Variants in DLG2 observed in about 807,000 individuals in gnomAD.
DLG2 encodes discs large MAGUK scaffold protein 2.
DLG2 carries 45 observed loss-of-function variants against 132.5 expected under a neutral mutation model. That is an observed-to-expected ratio of 0.34 (90% CI 0.27 to 0.44). The LOEUF (loss-of-function observed/expected upper bound fraction) is 0.44. DLG2 is among the 20% of genes least tolerant of loss of function. The pLI is 1.00. For synonymous variants in DLG2, 424 were observed against 419.6 expected, an observed-to-expected ratio of 1.01 and a Z score of -0.13; for missense variants, 1,045 against 1,196.9, an observed-to-expected ratio of 0.87 and a Z score of 1.87.
At position 83,957,396 on chromosome 11, in the gene DLG2, T is replaced by C. The variant is rs57687854; in HGVS notation, c.1340+5489A>G. 4.5e-3 allele frequency among the ~76,000 whole-genome samples: 679 copies of C among 152,322 alleles called. 5 individuals carry two copies. Among genetic ancestry groups the C allele is most frequent in the African/African-American group, 0.015 (607 of 41,568 alleles). On this transcript the variant is annotated intron_variant, in intron 14 of 27. Transcript: ENST00000376104. ...CAGTCTGACTAAGCCAGGTCTGCTC[T>C]TCACGTGGAACATGGGCTATTAAAC...
chr11:84,891,163 G>A (rs543597344), intron 6 of DLG2, among the ~76,000 whole-genome samples: 2 of 152,192 alleles, frequency 1.3e-5, no homozygotes, highest in East Asian at 3.9e-4. Context: ...ATACACACCA[G>A]CATTTCTCTA....
At chr11:84,735,839 GT>G (rs1268185130) in intron 6 of DLG2, among the ~76,000 whole-genome samples, 1 of 151,910 alleles carries the variant, frequency 6.6e-6, no homozygotes, top group African/African-American at 2.4e-5. Context: ...GTTGCATATA[GT>G]TTTTCACAGT....
intron 3 of DLG2, among the ~76,000 whole-genome samples, chr11:85,498,771 G>C (rs933944888): frequency 6.6e-6 from 1 of 152,128 alleles, no homozygotes; most frequent in Non-Finnish European, 1.5e-5. Context: ...TCAGGATTAA[G>C]TTCTAATTAA....
chr11:84,132,369 T>C (rs2094452033), intron 9 of DLG2, among the ~76,000 whole-genome samples: 1 of 152,016 alleles, frequency 6.6e-6, no homozygotes, highest in South Asian at 2.1e-4. Context: ...GGGGTGGTAA[T>C]GTGCAGATGC....
intron 16 of DLG2, among the ~76,000 whole-genome samples, chr11:83,868,607 G>T (rs947283092): frequency 1.3e-5 from 2 of 151,610 alleles, no homozygotes; most frequent in African/African-American, 4.9e-5. Flanking sequence ...TCTAAAAATA[G>T]ACAAAAATCC....
At chr11:84,261,694 C>G (rs1482129615) in intron 7 of DLG2, among the ~76,000 whole-genome samples, 1 of 152,160 alleles carries the variant, frequency 6.6e-6, no homozygotes, top group Non-Finnish European at 1.5e-5. Flanking sequence ...GTCCTCCTCT[C>G]TATTTCTTCA....
At chr11:85,177,660 A>G (rs1457884878) in intron 4 of DLG2, among the ~76,000 whole-genome samples, 1 of 152,016 alleles carries the variant, frequency 6.6e-6, no homozygotes, top group Non-Finnish European at 1.5e-5. Context: ...TCCTACATAT[A>G]TACCCCAGAA....
chr11:84,201,812 T>TC, intron 8 of DLG2, among the ~76,000 whole-genome samples: 1 of 11,688 alleles, frequency 8.6e-5, no homozygotes, highest in African/African-American at 2.3e-4. Context: ...TATTTTCTTT[T>TC]TTTTTTTTTT....
At chr11:83,980,683 G>T in intron 11 of DLG2, 41 bp from the exon 12 acceptor site, 6 of 1,458,444 alleles carry the variant, frequency 4.1e-6, no homozygotes, top group Non-Finnish European at 4.5e-6. Context: ...TTGTTTTGTT[G>T]TTGTAGTTGT....
chr11:85,497,768 CA>C (rs1386712593), intron 3 of DLG2, among the ~76,000 whole-genome samples: 1 of 152,154 alleles, frequency 6.6e-6, no homozygotes, highest in African/African-American at 2.4e-5. Flanking sequence ...GACAGGGAGT[CA>C]ATATTCAACA....
At chr11:83,676,607 C>T (rs1179781667) in intron 18 of DLG2, among the ~76,000 whole-genome samples, 1 of 152,168 alleles carries the variant, frequency 6.6e-6, no homozygotes, top group East Asian at 1.9e-4. Context: ...TATATCTTCC[C>T]AACCGCCTGT....
At chr11:84,682,553 T>C (rs2099734161) in intron 6 of DLG2, among the ~76,000 whole-genome samples, 1 of 152,136 alleles carries the variant, frequency 6.6e-6, no homozygotes, top group African/African-American at 2.4e-5. Flanking sequence ...GTACTAACAA[T>C]CAGATGTGGT....
intron 18 of DLG2, among the ~76,000 whole-genome samples, chr11:83,642,680 C>A (rs1480271480): frequency 6.6e-6 from 1 of 152,090 alleles, no homozygotes; most frequent in African/African-American, 2.4e-5. Flanking sequence ...GGAGTCAACA[C>A]AGAAACTTCC....
intron 9 of DLG2, among the ~76,000 whole-genome samples, chr11:84,148,189 T>A (rs944114008): frequency 6.6e-6 from 1 of 152,160 alleles, no homozygotes; most frequent in Non-Finnish European, 1.5e-5. Context: ...ATATTTCTGA[T>A]TTTTCCTTGG....
chr11:84,921,679 G>T (rs113464500), intron 6 of DLG2, among the ~76,000 whole-genome samples: 1 of 152,114 alleles, frequency 6.6e-6, no homozygotes, highest in Non-Finnish European at 1.5e-5. Context: ...TGGAGCTTCC[G>T]CTGAATAAAG....
At chr11:84,013,278 C>A (rs2094982935) in intron 11 of DLG2, among the ~76,000 whole-genome samples, 1 of 152,066 alleles carries the variant, frequency 6.6e-6, no homozygotes, top group African/African-American at 2.4e-5. Flanking sequence ...GTTTCTTCTA[C>A]TTTTTCTCAT....
chr11:85,489,112 T>G (rs2093499260), intron 3 of DLG2, among the ~76,000 whole-genome samples: 1 of 152,010 alleles, frequency 6.6e-6, no homozygotes, highest in South Asian at 2.1e-4. Context: ...CAGGCTCCAC[T>G]TAAGAGATAC....
At chr11:85,530,704 T>A (rs1264743868) in intron 3 of DLG2, among the ~76,000 whole-genome samples, 1 of 152,246 alleles carries the variant, frequency 6.6e-6, no homozygotes, top group Non-Finnish European at 1.5e-5. Flanking sequence ...CCCCAGGTAC[T>A]AAGACAATAA....
intron 15 of DLG2, among the ~76,000 whole-genome samples, chr11:83,912,577 T>C (rs1452594657): frequency 6.6e-6 from 1 of 152,138 alleles, no homozygotes; most frequent in Non-Finnish European, 1.5e-5. Flanking sequence ...TTTAGTTTTT[T>C]AAATGAAGCG....
Sources: allele counts gnomAD v4.1 joint callset (sites outside exome capture counted in the v4.1 genomes callset), GRCh38; gene constraint gnomAD v4.1.1; transcripts MANE v1.5; gene names NCBI Gene and HGNC (gene_info 2026-07-23, HGNC 2026-07-21).